Variants in INPP5E observed in about 807,000 individuals in gnomAD.
INPP5E encodes the protein inositol polyphosphate-5-phosphatase E.
In INPP5E, 34 loss-of-function variants were observed where a neutral mutation model predicts 50.5. The observed-to-expected ratio is 0.67, with a 90% CI of 0.51 to 0.90. The LOEUF (loss-of-function observed/expected upper bound fraction) is 0.90, where lower values mean the gene tolerates loss of function less well. Ranked by LOEUF, INPP5E falls within the 40% of genes least tolerant of loss-of-function variation. The pLI, the probability that INPP5E is intolerant of heterozygous loss-of-function variation, is 0.00. For missense variants in INPP5E, 942 were observed against 905.5 expected (o/e 1.04, Z -0.52); for synonymous variants, 447 against 406.0 (o/e 1.10, Z -1.21).
Position 136,431,949 on chromosome 9 carries a change from A to G in INPP5E, c.1424T>C (p.Phe475Ser), listed in dbSNP as rs777010049. ...VTTRFDEVFW[F>S]GDFNFRLSGG... ...ACTCAGGCGGAAGTTGAAGTCTCCA[A>G]ACCAGAACACCTCATCGAAGCGGGT... Residue 475 changes from phenylalanine (F) to serine (S), a missense_variant, in exon 7 of 10, where the codon TTT (phenylalanine) becomes TCT (serine). Physicochemically the swap from Phe to Ser is radical, Grantham distance 155. Coordinates refer to ENST00000371712, the MANE Select transcript of INPP5E (RefSeq NM_019892.6). 1 of 1,612,132 alleles carries G rather than the reference A, an allele frequency of 6.2e-7. No individual in the cohort carries two copies. The highest frequency in any genetic ancestry group is 8.5e-7 in the Non-Finnish European group (1 of 1,179,742).
In INPP5E at chr9:136,431,067, A is replaced by G. The variant is rs747333701; in HGVS notation, c.1600T>C (p.Tyr534His). ...GTGTCCTTCCCGATGTCAAACTTGT[A>G]TGATGGGAGGAAGTGGATGTCCGGC... Reference protein sequence around the residue: ...QEPDIHFLPSYKFDIGKDTYD... With the variant: ...QEPDIHFLPSHKFDIGKDTYD... The change falls in exon 8 of 10, where the codon TAC (tyrosine) becomes CAC (histidine). Residue 534 changes from tyrosine (Y) to histidine (H), a missense_variant. Transcript: ENST00000371712. 1.2e-6 allele frequency: 2 copies of G among 1,613,182 alleles called. No homozygotes were observed. Among genetic ancestry groups the G allele is most frequent in the Non-Finnish European group, 8.5e-7 (1 of 1,179,654 alleles).
chr9:136,433,878 G>C (rs937094622), intron 3 of INPP5E, among the ~76,000 whole-genome samples, 159 bp downstream of exon 3: 2 of 150,996 alleles, frequency 1.3e-5, no homozygotes, highest in African/African-American at 4.9e-5. Flanking sequence ...ATCTGTGCCC[G>C]GCCACGAACC....
Position 136,439,462 on chromosome 9 carries a change from C to A in INPP5E, c.-43G>T. The A allele has an allele frequency of 7.2e-7, 1 of 1,390,922 alleles. No homozygotes were observed. Among genetic ancestry groups the A allele is most frequent in the Non-Finnish European group, 9.4e-7 (1 of 1,064,532 alleles). 86.2% of individuals were successfully genotyped at this position (1,390,922 alleles called of 1,614,324 possible). A position where few individuals can be genotyped will look rare whatever the true frequency, so the allele number is the denominator to read the frequency against. On this transcript the variant is annotated 5_prime_UTR_variant, in exon 1 of 10. Coordinates refer to ENST00000371712, the MANE Select transcript of INPP5E (RefSeq NM_019892.6). Reference sequence around the variant, plus strand: ...GCAGGCCTCGGCGCGAGGCCGCAGGCAGCGCGAGGGGTCACGGGTGCCGGG... The same window carrying A: ...GCAGGCCTCGGCGCGAGGCCGCAGGAAGCGCGAGGGGTCACGGGTGCCGGG...
At position 136,431,943 on chromosome 9, in the gene INPP5E, T is replaced by A. The variant is rs1835716590; in HGVS notation, c.1430A>T (p.Asp477Val). 3.7e-6 allele frequency: 6 copies of A among 1,611,814 alleles called. No individual in the cohort carries two copies. The highest frequency in any genetic ancestry group is 4.2e-6 in the Non-Finnish European group (5 of 1,179,724). Residue 477 changes from aspartate to valine, a missense_variant, in exon 7 of 10, where the codon GAC (aspartate) becomes GTC (valine). Asp to Val is a radical substitution (Grantham distance 152). Coordinates refer to ENST00000371712, the MANE Select transcript of INPP5E (RefSeq NM_019892.6). ...TRFDEVFWFG[D>V]FNFRLSGGRT... is the part of the protein sequence containing the mutation. ...CCCGCCACTCAGGCGGAAGTTGAAGTCTCCAAACCAGAACACCTCATCGAA... is the reference window on the plus strand; with the variant it reads ...CCCGCCACTCAGGCGGAAGTTGAAGACTCCAAACCAGAACACCTCATCGAA...
At position 136,438,736 on chromosome 9, in the gene INPP5E, C is replaced by A; in HGVS notation, c.684G>T (p.Val228=). The A allele has an allele frequency of 1.2e-6, 2 of 1,611,034 alleles. No individual in the cohort carries two copies. The highest frequency in any genetic ancestry group is 1.7e-6 in the Non-Finnish European group (2 of 1,179,246). ...CGGGGCCCAGGCTGCTGTGGGCCCG[C>A]ACCAGGAGCGGCTGCGCGCGGAGCT... is the stretch of plus-strand genomic sequence containing the variant. The part of the protein sequence containing the change: ...DYKLRAQPLL[V]RAHSSLGPGR... The change falls in exon 1 of 10, where the codon GTG becomes GTT. Residue 228 remains valine (V), a synonymous_variant. Transcript: ENST00000371712.
At chr9:136,434,717 C>T (rs752213438) in intron 2 of INPP5E, 23 bp downstream of exon 2, 53 of 1,599,272 alleles carry the variant, frequency 3.3e-5, no homozygotes, top group Non-Finnish European at 4.3e-5. Context: ...CTTCCCCGCC[C>T]AGCACCACCC....
In INPP5E at chr9:136,434,072, C is replaced by A. The variant is rs773949804; in HGVS notation, c.999G>T (p.Leu333=). ...AGCCCTCCTGGACCCCGATGACATA[C>A]AGGTCCTGGGCATAGTCGGCCTCGG... ...LPAEADYAQD[L]YVIGVQEGCS... is the part of the protein sequence containing the mutation. Residue 333 remains leucine, a synonymous_variant, in exon 3 of 10, where the codon CTG becomes CTT. Transcript: ENST00000371712. The A allele has an allele frequency of 6.2e-7, 1 of 1,610,962 alleles. No individual in the cohort carries two copies. Among genetic ancestry groups the A allele is most frequent in the Non-Finnish European group, 8.5e-7 (1 of 1,179,532 alleles).
At position 136,431,108 on chromosome 9, in the gene INPP5E, A is replaced by G; in HGVS notation, c.1559T>C (p.Phe520Ser). Reference sequence around the variant, plus strand: ...GATGTCCGGCTCCTGGAAGCCCTTGAAGATGGACCCTGCCACAGGATGGGC... The same window carrying G: ...GATGTCCGGCTCCTGGAAGCCCTTGGAGATGGACCCTGCCACAGGATGGGC... ...LIREMRKGSI[F>S]KGFQEPDIHF... The change falls in exon 8 of 10, where the codon TTC (phenylalanine) becomes TCC (serine). Residue 520 changes from phenylalanine to serine, a missense_variant. By Grantham distance (155) the Phe-to-Ser change is radical. Coordinates refer to ENST00000371712, the MANE Select transcript of INPP5E (RefSeq NM_019892.6). 1.2e-6 allele frequency: 2 copies of G among 1,611,220 alleles called. No homozygotes were observed. The highest frequency in any genetic ancestry group is 2.2e-5 in the South Asian group (2 of 91,042).
At position 136,429,545 on chromosome 9, in the gene INPP5E, G is replaced by A. The variant is rs1052198798; in HGVS notation, c.*130C>T. ...TCAGGGTTGGCTTCCTTCCTGGGAC[G>A]CTGGCACAGAGGCACGGTCGCCACA... is the stretch of plus-strand genomic sequence containing the variant. On this transcript the variant is annotated 3_prime_UTR_variant, in exon 10 of 10. Transcript: ENST00000371712. 1.9e-4 allele frequency: 241 copies of A among 1,244,734 alleles called. No homozygotes were observed. Among genetic ancestry groups the A allele is most frequent in the Admixed American group, 3.9e-4 (23 of 59,504 alleles). The allele number at this position is 1,244,734 out of a possible 1,614,324, so 77.1% of individuals were successfully genotyped here.
At chr9:136,430,926 G>A (rs879343800) in intron 8 of INPP5E, 76 bp downstream of exon 8, 14 of 1,046,984 alleles carry the variant, frequency 1.3e-5, no homozygotes, top group South Asian at 2.6e-5. Flanking sequence ...GACCCCTGAC[G>A]CCAGGCATCG....
rs1423878411 is a variant in INPP5E, at chr9:136,429,791, C to G, written c.1819G>C (p.Gly607Arg). The change falls in exon 10 of 10, where the codon GGC becomes CGC. Residue 607 changes from glycine (G) to arginine (R), a missense_variant. Coordinates refer to ENST00000371712, the MANE Select transcript of INPP5E (RefSeq NM_019892.6). Reference sequence around the variant, plus strand: ...AAGTACAGTTCTCTATCAAATTTGCCAGCTGCCAACGGAATGCTGTGGAGG... The same window carrying G: ...AAGTACAGTTCTCTATCAAATTTGCGAGCTGCCAACGGAATGCTGTGGAGG... ...PGRDNIPLAAGKFDRELYLLG... is the reference protein window; with the variant it reads ...PGRDNIPLAARKFDRELYLLG... 2 of 1,612,796 alleles carry G rather than the reference C, an allele frequency of 1.2e-6. No individual in the cohort carries two copies. Among genetic ancestry groups the G allele is most frequent in the Non-Finnish European group, 1.7e-6 (2 of 1,179,902 alleles).
At chr9:136,430,097 T>C (rs566437568) in intron 9 of INPP5E, among the ~76,000 whole-genome samples, 180 bp downstream of exon 9, 11 of 152,106 alleles carry the variant, frequency 7.2e-5, no homozygotes, top group African/African-American at 2.2e-4. Flanking sequence ...TTCCAGAGCC[T>C]CTCCCCTTCC....
In INPP5E at chr9:136,439,343, T is replaced by G; in HGVS notation, c.77A>C (p.Gln26Pro). Residue 26 changes from glutamine to proline, a missense_variant, in exon 1 of 10, where the codon CAG becomes CCG. Transcript: ENST00000371712. Reference protein sequence around the residue: ...QPPEGRTLQGQLPGAPPAQRA... With the variant: ...QPPEGRTLQGPLPGAPPAQRA... Reference sequence around the variant, plus strand: ...CTGGGCCGGCGGAGCGCCGGGAAGCTGTCCTTGGAGCGTCCTCCCTTCCGG... The same window carrying G: ...CTGGGCCGGCGGAGCGCCGGGAAGCGGTCCTTGGAGCGTCCTCCCTTCCGG... 7.0e-7 allele frequency: 1 copy of G among 1,425,758 alleles called. No homozygotes were observed. Among genetic ancestry groups the G allele is most frequent in the Non-Finnish European group, 9.1e-7 (1 of 1,099,838 alleles). The allele number at this position is 1,425,758 out of a possible 1,614,324, so 88.3% of individuals were successfully genotyped here. A position where few individuals can be genotyped will look rare whatever the true frequency, so the allele number is the denominator to read the frequency against.
intron 1 of INPP5E, chr9:136,435,561 T>C (rs1423081812): frequency 6.5e-6 from 1 of 152,998 alleles, no homozygotes; most frequent in Non-Finnish European, 1.5e-5. Context: ...CTCGCCACGT[T>C]GTCCAGGCTG....
rs1343428654 is a variant in INPP5E, at chr9:136,432,963, G to A, written c.1272C>T (p.His424=). ...GGGCACCAAGCAACTTACAGGTGAA[G>A]TGGGACGTGATGAAGAGGAAGGAAG... ...FGTSFLFITS[H]FTSGDGKVAE... Residue 424 remains histidine, a synonymous_variant, in exon 5 of 10, where the codon CAC becomes CAT. Transcript: ENST00000371712. 6.2e-7 allele frequency: 1 copy of A among 1,613,128 alleles called. No homozygotes were observed. Among genetic ancestry groups the A allele is most frequent in the South Asian group, 1.1e-5 (1 of 90,976 alleles).
rs931184217 is a variant in INPP5E at position 136,429,714 on chromosome 9, T to G, written c.1896A>C (p.Leu632=). The G allele has an allele frequency of 5.0e-6, 8 of 1,613,994 alleles. No homozygotes were observed. In the African/African-American group the frequency reaches 1.1e-4, roughly 22 times the overall value. Residue 632 remains leucine, a synonymous_variant, in exon 10 of 10, where the codon CTA becomes CTC. Transcript: ENST00000371712. ...AGATGGTGCTGGAGTTCTGACTCTG[T>G]AGTGCTTGCTGCCTCTGAATCTCCT... ...ISKEIQRQQA[L]QSQNSSTICS... is the part of the protein sequence containing the mutation.
At chr9:136,429,891 G>A (rs1588830718) in intron 9 of INPP5E, 84 bp from the exon 10 acceptor site, 6 of 992,550 alleles carry the variant, frequency 6.0e-6, no homozygotes, top group East Asian at 4.8e-5. Context: ...GGAGGAGGGG[G>A]CATTTAAGAG....
chr9:136,439,667 G>A lies in INPP5E; in HGVS notation c.-248C>T, dbSNP rs1272178272. 8.9e-6 allele frequency: 3 copies of A among 338,898 alleles called. No individual in the cohort carries two copies. The highest frequency in any genetic ancestry group is 1.6e-5 in the Non-Finnish European group (3 of 188,206). The allele number at this position is 338,898 out of a possible 1,614,324, so 21.0% of individuals were successfully genotyped here. ...CCGCAGGCAAGGCCTGGGGGAACAG[G>A]CGGCTGGGCGCCTGTCGCGGGGGAG... On this transcript the variant is annotated 5_prime_UTR_variant, in exon 1 of 10. Coordinates refer to ENST00000371712, the MANE Select transcript of INPP5E (RefSeq NM_019892.6).
chr9:136,435,954 G>A (rs1485346168), intron 1 of INPP5E: 1 of 152,244 alleles, frequency 6.6e-6, no homozygotes, highest in Admixed American at 6.5e-5. Flanking sequence ...AAACGCCGTG[G>A]GCTAGGCTTG....
Sources: allele counts gnomAD v4.1 joint callset (sites outside exome capture counted in the v4.1 genomes callset), GRCh38; gene constraint gnomAD v4.1.1; transcripts MANE v1.5; gene names NCBI Gene and HGNC (gene_info 2026-07-23, HGNC 2026-07-21).